Variants in CBFB observed in about 807,000 individuals in gnomAD.
CBFB encodes CBF-beta.
A neutral mutation model predicts 30.4 loss-of-function variants in CBFB; 9 were observed. That is an observed-to-expected ratio of 0.30 (90% confidence interval 0.18 to 0.52). CBFB has a LOEUF of 0.52. CBFB is among the 20% of genes least tolerant of loss of function. CBFB has a pLI of 0.97. For synonymous variants in CBFB, 94 were observed against 84.0 expected, an observed-to-expected ratio of 1.12 and a Z score of -0.65; for missense variants, 170 against 244.0, an observed-to-expected ratio of 0.70 and a Z score of 2.02.
intron 2 of CBFB, among the ~76,000 whole-genome samples, chr16:67,034,941 A>G (rs1966415785): frequency 6.6e-6 from 1 of 152,198 alleles, no homozygotes; most frequent in South Asian, 2.1e-4. Flanking sequence ...CACTTTACAA[A>G]TAATTGATTT....
intron 5 of CBFB, among the ~76,000 whole-genome samples, chr16:67,094,036 TC>T (rs1380987048): frequency 6.6e-6 from 1 of 152,164 alleles, no homozygotes; most frequent in Non-Finnish European, 1.5e-5. Context: ...CAATACATCT[TC>T]CCTTCTAGCA....
chr16:67,033,931 C>G (rs190289856), intron 2 of CBFB, among the ~76,000 whole-genome samples: 3 of 150,714 alleles, frequency 2.0e-5, no homozygotes, highest in African/African-American at 7.4e-5. Context: ...TGGGTTCACA[C>G]GATTCTCCTG....
In CBFB at chr16:67,029,202, G is replaced by C. The variant is rs1233535398; in HGVS notation, c.-206G>C. Reference sequence around the variant, plus strand: ...GGCAACGGCTGAGGCGGCGGCGGCGGCGGCGGCGGCGTGGGTTGGGCTCGA... The same window carrying C: ...GGCAACGGCTGAGGCGGCGGCGGCGCCGGCGGCGGCGTGGGTTGGGCTCGA... On this transcript the variant is annotated 5_prime_UTR_variant, in exon 1 of 6. Transcript: ENST00000412916. 5 of 228,368 alleles carry C rather than the reference G, an allele frequency of 2.2e-5. No homozygotes were observed. The highest frequency in any genetic ancestry group is 4.0e-5 in the Non-Finnish European group (5 of 124,370). 14.1% of individuals were successfully genotyped at this position (228,368 alleles called of 1,614,324 possible).
Position 67,061,543 on chromosome 16 carries a change from T to C in CBFB, c.283-5139T>C, listed in dbSNP as rs142263385. Among the ~76,000 whole-genome samples, 354 of 152,336 alleles carry C rather than the reference T, an allele frequency of 2.3e-3. 2 individuals are homozygous for C. Among genetic ancestry groups the C allele is most frequent in the African/African-American group, 8.2e-3 (339 of 41,580 alleles). ...TGAATTGCATTATAAAATGCCAAAC[T>C]GTTGAGACAGAATTTTATTTTCTTT... On this transcript the variant is annotated intron_variant, in intron 3 of 5. Coordinates refer to ENST00000412916, the MANE Select transcript of CBFB (RefSeq NM_022845.3).
At chr16:67,051,677 A>C (rs1197565349) in intron 3 of CBFB, among the ~76,000 whole-genome samples, 1 of 151,876 alleles carries the variant, frequency 6.6e-6, no homozygotes, top group Admixed American at 6.6e-5. Context: ...CAACATATAT[A>C]GGTAAAATGT....
Position 67,036,747 on chromosome 16 carries a change from G to T in CBFB, c.274G>T (p.Ala92Ser), listed in dbSNP as rs759139192. 7 of 1,589,046 alleles carry T rather than the reference G, an allele frequency of 4.4e-6. No homozygotes were observed. The Admixed American group carries it at 1.2e-4, about 27-fold the overall frequency. Reference sequence around the variant, plus strand: ...AGAGTATGTCGACTTAGAAAGAGAAGCAGGCAAGGTAGGAAACATTTCTTT... The same window carrying T: ...AGAGTATGTCGACTTAGAAAGAGAATCAGGCAAGGTAGGAAACATTTCTTT... ...SREYVDLERE[A>S]GKVYLKAPMI... The change falls in exon 3 of 6, where the codon GCA (alanine) becomes TCA (serine). Residue 92 changes from alanine (A) to serine (S), a missense_variant. Physicochemically the swap from Ala to Ser is moderately conservative, Grantham distance 99. Coordinates refer to ENST00000412916, the MANE Select transcript of CBFB (RefSeq NM_022845.3).
At chr16:67,070,843 A>G (rs1218803944) in intron 4 of CBFB, among the ~76,000 whole-genome samples, 2 of 152,150 alleles carry the variant, frequency 1.3e-5, no homozygotes, top group Admixed American at 1.3e-4. Context: ...AGAGCAAGAC[A>G]AGACCCTGTC....
At chr16:67,065,432 G>A (rs1182411819) in intron 3 of CBFB, among the ~76,000 whole-genome samples, 1 of 152,224 alleles carries the variant, frequency 6.6e-6, no homozygotes, top group Non-Finnish European at 1.5e-5. Flanking sequence ...ATGTGATACA[G>A]TATGAAGCCT....
intron 5 of CBFB, among the ~76,000 whole-genome samples, chr16:67,085,967 T>C (rs1020919821): frequency 4.4e-4 from 67 of 152,310 alleles, no homozygotes; most frequent in Non-Finnish European, 7.5e-4. Flanking sequence ...CTTGAGCCAC[T>C]GTGCCCGGCT....
At chr16:67,042,638 C>T (rs969833437) in intron 3 of CBFB, among the ~76,000 whole-genome samples, 1 of 152,214 alleles carries the variant, frequency 6.6e-6, no homozygotes, top group Admixed American at 6.5e-5. Context: ...TCTCTGAAGA[C>T]TTGACTAGAA....
At chr16:67,079,333 A>C (rs537777827) in intron 4 of CBFB, among the ~76,000 whole-genome samples, 2 of 152,250 alleles carry the variant, frequency 1.3e-5, no homozygotes, top group South Asian at 4.1e-4. Context: ...CAAGAATGGG[A>C]ATTTGATTAC....
At position 67,092,696 on chromosome 16, in the gene CBFB, A is replaced by ATTTTTTTTTTTT. The variant is rs1162307047; in HGVS notation, c.496-6013_496-6012insTTTTTTTTTTTT. Among the ~76,000 whole-genome samples, 123 of 94,664 alleles carry ATTTTTTTTTTTT rather than the reference A, an allele frequency of 1.3e-3. 1 individual carries two copies. The highest frequency in any genetic ancestry group is 2.9e-3 in the African/African-American group (62 of 21,156). 62.1% of individuals were successfully genotyped at this position (94,664 alleles called of 152,430 possible). A position where few individuals can be genotyped will look rare whatever the true frequency, so the allele number is the denominator to read the frequency against. On this transcript the variant is annotated intron_variant, in intron 5 of 5. Coordinates refer to ENST00000412916, the MANE Select transcript of CBFB (RefSeq NM_022845.3). ...ACCCAGGCTAGGTTACAGTGGTGCA[A>ATTTTTTTTTTTT]TCTTTTTTTTTTTTTTTTTTTTTTT...
intron 2 of CBFB, among the ~76,000 whole-genome samples, chr16:67,033,554 A>G (rs894899267): frequency 4.6e-5 from 7 of 151,672 alleles, no homozygotes; most frequent in Admixed American, 2.0e-4. Flanking sequence ...TGCTGGCCTC[A>G]AGTGATGTGC....
intron 5 of CBFB, among the ~76,000 whole-genome samples, chr16:67,085,673 CTTTTTTTTT>C (rs764788080): frequency 2.6e-5 from 3 of 115,440 alleles, no homozygotes; most frequent in African/African-American, 6.8e-5. Context: ...AATTTAGTAT[CTTTTTTTTT>C]TTTTTTTTTT....
Position 67,099,316 on chromosome 16 carries a change from C to T in CBFB, c.*538C>T, listed in dbSNP as rs1256738737. ...TGATGTTGTTTGCATTATTTACAGG[C>T]TAAAAACTTAGTAGCATAGAGCTGT... is the stretch of plus-strand genomic sequence containing the variant. On this transcript the variant is annotated 3_prime_UTR_variant, in exon 6 of 6. Coordinates refer to ENST00000412916, the MANE Select transcript of CBFB (RefSeq NM_022845.3). The T allele has an allele frequency of 2.2e-5, 5 of 228,318 alleles. No homozygotes were observed. 14.1% of individuals were successfully genotyped at this position (228,318 alleles called of 1,614,324 possible).
At chr16:67,031,957 C>G (rs1966358417) in intron 2 of CBFB, among the ~76,000 whole-genome samples, 1 of 152,082 alleles carries the variant, frequency 6.6e-6, no homozygotes, top group African/African-American at 2.4e-5. Flanking sequence ...CTCCCAATAG[C>G]TGGGACTACA....
chr16:67,075,191 A>G (rs1484329945), intron 4 of CBFB, among the ~76,000 whole-genome samples: 2 of 19,520 alleles, frequency 1.0e-4, no homozygotes, highest in Non-Finnish European at 2.5e-4. Context: ...TTCTATCTCA[A>G]AAAAAATGTG....
At chr16:67,053,113 C>T (rs1366847337) in intron 3 of CBFB, among the ~76,000 whole-genome samples, 1 of 151,926 alleles carries the variant, frequency 6.6e-6, no homozygotes, top group Non-Finnish European at 1.5e-5. Flanking sequence ...TATTTGTTCC[C>T]TTACTTTTCT....
chr16:67,075,699 G>A (rs990210257), intron 4 of CBFB, among the ~76,000 whole-genome samples: 2 of 152,144 alleles, frequency 1.3e-5, no homozygotes, highest in Non-Finnish European at 2.9e-5. Context: ...GCTAGAAATT[G>A]TAAACTGCGC....
Sources: allele counts gnomAD v4.1 joint callset (sites outside exome capture counted in the v4.1 genomes callset), GRCh38; gene constraint gnomAD v4.1.1; transcripts MANE v1.5; gene names NCBI Gene and HGNC (gene_info 2026-07-23, HGNC 2026-07-21).